UNC13C: variants seen among roughly 807,000 people sequenced by gnomAD.
UNC13C encodes unc-13 homolog C, also known as protein unc-13 homolog C.
Under a neutral mutation model 245.4 loss-of-function variants are expected in UNC13C, and 174 were observed. That is an observed-to-expected ratio of 0.71 (90% CI 0.63 to 0.80). The LOEUF is 0.80. UNC13C is among the 30% of genes least tolerant of loss of function. The pLI is 0.00. For missense variants in UNC13C, 2,829 were observed against 2,602.9 expected, an observed-to-expected ratio of 1.09 and a Z score of -1.89; for synonymous variants, 992 against 895.1, an observed-to-expected ratio of 1.11 and a Z score of -1.93.
the UNC13C span, among the ~76,000 whole-genome samples, chr15:53,879,712 C>A: frequency 1.3e-5 from 2 of 152,034 alleles, no homozygotes; most frequent in Non-Finnish European, 1.5e-5. Context: ...CTCAGCCTCC[C>A]AAGTAGCTGG....
At chr15:53,898,265 A>G in the UNC13C span, among the ~76,000 whole-genome samples, 38 of 152,120 alleles carry the variant, frequency 2.5e-4, no homozygotes, top group African/African-American at 8.5e-4. Context: ...CTATTCAATT[A>G]TTTTTAAACC....
chr15:54,581,688 A>C (rs1009898517), intron 30 of UNC13C, among the ~76,000 whole-genome samples: 1 of 152,334 alleles, frequency 6.6e-6, no homozygotes, highest in African/African-American at 2.4e-5. Context: ...AATTTGGGGG[A>C]GATACCAACA....
At chr15:54,333,745 A>C in intron 15 of UNC13C, 22 bp from the exon 16 acceptor site, 4 of 1,550,370 alleles carry the variant, frequency 2.6e-6, no homozygotes, top group Non-Finnish European at 3.5e-6. Context: ...AACCTTATCC[A>C]TTTTGTTTCC....
At position 54,367,540 on chromosome 15, in the gene UNC13C, C is replaced by T. The variant is rs139172642; in HGVS notation, c.4714-25508C>T. 2.9e-3 allele frequency among the ~76,000 whole-genome samples: 447 copies of T among 152,200 alleles called. 1 individual carries two copies. Among genetic ancestry groups the T allele is most frequent in the African/African-American group, 0.01 (427 of 41,534 alleles). On this transcript the variant is annotated intron_variant, in intron 17 of 32. Coordinates refer to ENST00000260323, the MANE Select transcript of UNC13C (RefSeq NM_001080534.3). ...CATCTGTGAGAATCACTTTCTTGCC[C>T]CTGTCCATACACAGTACTTTCCACA...
At chr15:54,160,390 A>G (rs549566775) in intron 4 of UNC13C, among the ~76,000 whole-genome samples, 54 of 149,762 alleles carry the variant, frequency 3.6e-4, no homozygotes, top group Non-Finnish European at 6.9e-4. Flanking sequence ...CTAACAATGC[A>G]TACTAGATTC....
chr15:54,237,743 A>C lies in UNC13C; in HGVS notation c.3228+53A>C. The C allele has an allele frequency of 2.1e-6, 3 of 1,396,220 alleles. No individual in the cohort carries two copies. In the South Asian group the frequency reaches 3.7e-5, roughly 17 times the overall value. 86.5% of individuals were successfully genotyped at this position (1,396,220 alleles called of 1,614,324 possible). A position where few individuals can be genotyped will look rare whatever the true frequency, so the allele number is the denominator to read the frequency against. On this transcript the variant is annotated intron_variant, in intron 7 of 32. Transcript: ENST00000260323. ...CTAACTAGATATTGCTCATAATCAC[A>C]AGGGAGAAACTGTTCTGCTTGAGCT... is the stretch of plus-strand genomic sequence containing the variant.
At chr15:54,377,691 T>C (rs1324541619) in intron 17 of UNC13C, among the ~76,000 whole-genome samples, 4 of 152,198 alleles carry the variant, frequency 2.6e-5, no homozygotes, top group Non-Finnish European at 5.9e-5. Flanking sequence ...TCCTTATAGA[T>C]AGCACAGTCT....
At chr15:54,078,253 T>G (rs1898742914) in intron 2 of UNC13C, among the ~76,000 whole-genome samples, 1 of 152,208 alleles carries the variant, frequency 6.6e-6, no homozygotes, top group South Asian at 2.1e-4. Context: ...GACACGTAGG[T>G]TGATTCCATA....
chr15:54,085,033 T>G (rs1899158012), intron 2 of UNC13C, among the ~76,000 whole-genome samples: 1 of 152,180 alleles, frequency 6.6e-6, no homozygotes, highest in Non-Finnish European at 1.5e-5. Context: ...ATGGTTCAAT[T>G]TGTCCAAATT....
intron 2 of UNC13C, among the ~76,000 whole-genome samples, chr15:54,058,158 T>C (rs1391840471): frequency 1.3e-5 from 2 of 151,914 alleles, no homozygotes; most frequent in Non-Finnish European, 2.9e-5. Context: ...CTTCAAAAAA[T>C]CAATGAATCC....
At chr15:54,508,877 C>T (rs1567337587) in intron 23 of UNC13C, among the ~76,000 whole-genome samples, 1 of 152,104 alleles carries the variant, frequency 6.6e-6, no homozygotes, top group East Asian at 1.9e-4. Flanking sequence ...GAGCTAGAAA[C>T]ATCTAAAGAT....
chr15:54,184,560 T>G (rs2033909529), intron 4 of UNC13C, among the ~76,000 whole-genome samples: 1 of 152,118 alleles, frequency 6.6e-6, no homozygotes, highest in Non-Finnish European at 1.5e-5. Context: ...GAATGATGGT[T>G]TCCAGCTTCA....
the UNC13C span, among the ~76,000 whole-genome samples, chr15:53,873,749 T>TTCTA: frequency 2.6e-5 from 4 of 151,956 alleles, no homozygotes; most frequent in African/African-American, 7.3e-5. Flanking sequence ...ACAACTATGT[T>TTCTA]GCCCAGGCTG....
chr15:54,420,479 A>C (rs894050254), intron 19 of UNC13C, among the ~76,000 whole-genome samples: 4 of 150,830 alleles, frequency 2.7e-5, no homozygotes, highest in African/African-American at 9.8e-5. Context: ...CGTTGGTCGC[A>C]CAGTTCAGCT....
intron 4 of UNC13C, among the ~76,000 whole-genome samples, chr15:54,200,546 A>G (rs2034491002): frequency 6.6e-6 from 1 of 152,092 alleles, no homozygotes; most frequent in African/African-American, 2.4e-5. Flanking sequence ...AATACGTGGA[A>G]ATGAAATAAC....
At chr15:54,280,056 G>GCATA (rs2036935460) in intron 10 of UNC13C, among the ~76,000 whole-genome samples, 1 of 152,068 alleles carries the variant, frequency 6.6e-6, no homozygotes, top group Non-Finnish European at 1.5e-5. Context: ...ATACAGATAT[G>GCATA]CATATAATAT....
intron 2 of UNC13C, among the ~76,000 whole-genome samples, chr15:54,117,581 C>A (rs1265534912): frequency 1.3e-5 from 2 of 149,600 alleles, no homozygotes; most frequent in Admixed American, 1.3e-4. Flanking sequence ...TTCTCTATCT[C>A]TAGCTCTCTC....
Position 54,012,876 on chromosome 15 carries a change from G to T in UNC13C, c.-28G>T. On this transcript the variant is annotated 5_prime_UTR_variant, in exon 2 of 33. Transcript: ENST00000260323. ...CCTGATACTTGTTTACTTTTCTGGG[G>T]CAGAAAAGCTTGCACTAATTGCTCT... 1 of 1,510,934 alleles carries T rather than the reference G, an allele frequency of 6.6e-7. No homozygotes were observed. The highest frequency in any genetic ancestry group is 8.9e-7 in the Non-Finnish European group (1 of 1,118,618). The allele number at this position is 1,510,934 out of a possible 1,614,324, so 93.6% of individuals were successfully genotyped here.
chr15:54,089,139 C>A (rs935118072), intron 2 of UNC13C, among the ~76,000 whole-genome samples: 10 of 152,180 alleles, frequency 6.6e-5, no homozygotes, highest in Non-Finnish European at 1.0e-4. Flanking sequence ...AGTCCAAATT[C>A]TTTTCCATGT....
Sources: gnomAD v4.1 joint callset for allele counts (sites outside exome capture counted in the v4.1 genomes callset) on GRCh38, gnomAD v4.1.1 for gene constraint, MANE v1.5 for transcripts, NCBI Gene and HGNC (gene_info 2026-07-23, HGNC 2026-07-21) for gene names.